SYT3: variants seen among roughly 807,000 people sequenced by gnomAD.
The protein encoded by SYT3 is synaptotagmin-3.
In SYT3, 25 loss-of-function variants were observed where a neutral mutation model predicts 50.6. That is an observed-to-expected ratio of 0.49 (90% CI 0.36 to 0.69). The LOEUF (loss-of-function observed/expected upper bound fraction) is 0.69. Ranked by LOEUF, SYT3 falls within the 30% of genes least tolerant of loss-of-function variation. The pLI, the probability that SYT3 is intolerant of heterozygous loss-of-function variation, is 0.00. For missense variants in SYT3, 589 were observed against 793.6 expected (o/e 0.74, Z 3.10); for synonymous variants, 323 against 353.9 (o/e 0.91, Z 0.98).
At chr19:50,635,330 T>C (rs1984462361) in intron 3 of SYT3, among the ~76,000 whole-genome samples, 1 of 152,166 alleles carries the variant, frequency 6.6e-6, no homozygotes, top group Admixed American at 6.5e-5. Context: ...AGGGTCATTG[T>C]GGAGAAAAAT....
At chr19:50,633,862 A>G (rs915051843) in intron 3 of SYT3, among the ~76,000 whole-genome samples, 1 of 152,224 alleles carries the variant, frequency 6.6e-6, no homozygotes. Flanking sequence ...CTCAAAGTCC[A>G]TAGCTGGTAG....
chr19:50,641,391 G>T (rs979056100), upstream of SYT3, among the ~76,000 whole-genome samples: 1 of 149,978 alleles, frequency 6.7e-6, no homozygotes, highest in Non-Finnish European at 1.5e-5. Context: ...CCGTGGTCTC[G>T]ATCTCCTGAC....
chr19:50,623,489 C>T (rs1485513307), intron 9 of SYT3, among the ~76,000 whole-genome samples: 1 of 151,744 alleles, frequency 6.6e-6, no homozygotes, highest in South Asian at 2.1e-4. Context: ...ATATTTCATG[C>T]AATATTGGCC....
At position 50,629,419 on chromosome 19, in the gene SYT3, C is replaced by A. The variant is rs200430574; in HGVS notation, c.1156G>T (p.Val386Phe). Residue 386 changes from valine to phenylalanine, a missense_variant, in exon 6 of 11, where the codon GTC becomes TTC. Val to Phe is a conservative substitution (Grantham distance 50). Coordinates refer to ENST00000600079, the MANE Select transcript of SYT3 (RefSeq NM_001160329.2). ...ELAQRKLHFS[V>F]YDFDRFSRHD... ...CGCGAGAAGCGGTCAAAGTCATAGA[C>A]GCTGAAGTGCAGTTTGCGTTGGGCC... 6.2e-7 allele frequency: 1 copy of A among 1,613,942 alleles called. No individual in the cohort carries two copies. Among genetic ancestry groups the A allele is most frequent in the Non-Finnish European group, 8.5e-7 (1 of 1,179,974 alleles).
At chr19:50,626,901 G>C (rs1003896128) in intron 6 of SYT3, among the ~76,000 whole-genome samples, 3 of 152,016 alleles carry the variant, frequency 2.0e-5, no homozygotes, top group African/African-American at 7.3e-5. Context: ...AGAGACCAGA[G>C]AGCGAGAGAG....
chr19:50,635,665 C>T (rs892842755), intron 3 of SYT3, among the ~76,000 whole-genome samples: 8 of 152,158 alleles, frequency 5.3e-5, no homozygotes, highest in Non-Finnish European at 8.8e-5. Flanking sequence ...AGCTCAGCCT[C>T]TGGAGGAGCT....
At chr19:50,652,185 A>C in the SYT3 span, among the ~76,000 whole-genome samples, 1 of 152,186 alleles carries the variant, frequency 6.6e-6, no homozygotes, top group Non-Finnish European at 1.5e-5. Context: ...TACCTAGTAC[A>C]TATTTAAATT....
chr19:50,632,441 TG>T lies in SYT3; in HGVS notation c.518del (p.Ala173GlufsTer66). 1 of 1,613,404 alleles carries T rather than the reference TG, an allele frequency of 6.2e-7. No individual in the cohort carries two copies. The highest frequency in any genetic ancestry group is 8.5e-7 in the Non-Finnish European group (1 of 1,179,886). On this transcript the variant is annotated frameshift_variant, in exon 4 of 11. Transcript: ENST00000600079. LOFTEE classifies it high-confidence loss of function. The surrounding 1 kb of genome is among the most constrained non-coding windows in gnomAD (Gnocchi z 4.7). The stretch of plus-strand genomic sequence containing the variant: ...TCGGTTTGACCCCAGCGGCCACTGC[TG>T]CTGCTGCAGCCTCTGGATACGAGTC... ...DMDSYPEAAA[A>X]AVAAGVKPSQ...
chr19:50,624,619 C>T (rs1457456973), intron 9 of SYT3, among the ~76,000 whole-genome samples: 2 of 151,848 alleles, frequency 1.3e-5, no homozygotes, highest in Non-Finnish European at 2.9e-5. Context: ...ATGGCGCCAC[C>T]TCAGCTCACC....
Position 50,625,781 on chromosome 19 carries a change from TCCA to T in SYT3, c.1402+113_1402+115del. 9.0e-6 allele frequency: 5 copies of T among 554,208 alleles called. 2 individuals are homozygous for T. Among genetic ancestry groups the T allele is most frequent in the Non-Finnish European group, 1.5e-5 (5 of 328,182 alleles). The allele number at this position is 554,208 out of a possible 1,614,324, so 34.3% of individuals were successfully genotyped here. A position where few individuals can be genotyped will look rare whatever the true frequency, so the allele number is the denominator to read the frequency against. ...GCCCCTCCTCCCTCAGACCCAGGAGTCCAGATCCCCAGCTCCTCCTCCCTCAGA... is the reference window on the plus strand; with the variant it reads ...GCCCCTCCTCCCTCAGACCCAGGAGTGATCCCCAGCTCCTCCTCCCTCAGA... On this transcript the variant is annotated intron_variant, in intron 7 of 10. Transcript: ENST00000600079. This position sits in a 1 kb window ranked among gnomAD's most constrained non-coding sequence, Gnocchi z 7.5.
Position 50,625,005 on chromosome 19 carries a change from TG to T in SYT3, c.1707+156del. ...TTGAGGCACAGAGCGCTTGGGTAAC[TG>T]GCTCTAAGCCGCACAGCTAAAGTTG... On this transcript the variant is annotated intron_variant, in intron 9 of 10. Coordinates refer to ENST00000600079, the MANE Select transcript of SYT3 (RefSeq NM_001160329.2). The surrounding 1 kb of genome is among the most constrained non-coding windows in gnomAD (Gnocchi z 7.5). 2 of 694,192 alleles carry T rather than the reference TG, an allele frequency of 2.9e-6. No homozygotes were observed. The highest frequency in any genetic ancestry group is 4.1e-6 in the Non-Finnish European group (2 of 482,772). The allele number at this position is 694,192 out of a possible 1,614,324, so 43.0% of individuals were successfully genotyped here.
chr19:50,646,280 C>T, the SYT3 span, among the ~76,000 whole-genome samples: 4 of 152,072 alleles, frequency 2.6e-5, no homozygotes, highest in African/African-American at 9.7e-5. Context: ...GAGGGGAAGA[C>T]ATTTGCCTGA....
At chr19:50,640,634 A>T (rs1182193167), upstream of SYT3, among the ~76,000 whole-genome samples, 1 of 152,192 alleles carries the variant, frequency 6.6e-6, no homozygotes, top group Non-Finnish European at 1.5e-5. Flanking sequence ...TAAGGTCTAG[A>T]TCAGGGGTGT....
intron 4 of SYT3, among the ~76,000 whole-genome samples, chr19:50,631,816 GAGTCTGGTGTTTTCC>G (rs1326321591): frequency 6.6e-6 from 1 of 152,054 alleles, no homozygotes; most frequent in Non-Finnish European, 1.5e-5. Flanking sequence ...CAGGAGGGCA[GAGTCTGGTGTTTTCC>G]TAACACCCCT....
At chr19:50,656,152 A>T in the SYT3 span, 2 of 1,536,034 alleles carry the variant, frequency 1.3e-6, no homozygotes, top group Middle Eastern at 3.3e-4. Flanking sequence ...CATGACCTCT[A>T]TCTTCCGCCT....
At chr19:50,623,433 T>A (rs1300649146) in intron 9 of SYT3, among the ~76,000 whole-genome samples, 3 of 152,004 alleles carry the variant, frequency 2.0e-5, no homozygotes, top group African/African-American at 7.3e-5. Flanking sequence ...TTTCACCCAG[T>A]ACTAAATGTA....
At chr19:50,654,964 A>G in the SYT3 span, among the ~76,000 whole-genome samples, 1 of 152,206 alleles carries the variant, frequency 6.6e-6, no homozygotes, top group African/African-American at 2.4e-5. Flanking sequence ...GTTGCTTGCC[A>G]TATCTGAACA....
Position 50,632,263 on chromosome 19 carries a change from C to T in SYT3, c.674+23G>A, listed in dbSNP as rs777408241. On this transcript the variant is annotated intron_variant, in intron 4 of 10. Coordinates refer to ENST00000600079, the MANE Select transcript of SYT3 (RefSeq NM_001160329.2). This position sits in a 1 kb window ranked among gnomAD's most constrained non-coding sequence, Gnocchi z 4.7. ...GAGGAGCAGAAGTTCAGAGTGGACC[C>T]CCAACCCAGTATCCTCTCTCACCTG... 3 of 1,535,984 alleles carry T rather than the reference C, an allele frequency of 2.0e-6. No individual in the cohort carries two copies. In the South Asian group the frequency reaches 3.8e-5, roughly 19 times the overall value.
In SYT3 at chr19:50,625,244, G is replaced by T. The variant is rs1228762739; in HGVS notation, c.1625C>A (p.Ala542Asp). ...CCAGTGCTCGCGGCCGTGCGGGTCG[G>T]CAGCGTCGGGGCCCACACGGCACAC... ...IGVCRVGPDAADPHGREHWAE... is the reference protein window; with the variant it reads ...IGVCRVGPDADDPHGREHWAE... Residue 542 changes from alanine (A) to aspartate (D), a missense_variant, in exon 9 of 11, where the codon GCC becomes GAC. This residue lies in a region of SYT3 where 273 missense variants were observed against 439.3 expected (regional missense o/e 0.62). Transcript: ENST00000600079. The surrounding 1 kb of genome is among the most constrained non-coding windows in gnomAD (Gnocchi z 7.5). The T allele has an allele frequency of 1.3e-6, 2 of 1,566,328 alleles. No individual in the cohort carries two copies. Among genetic ancestry groups the T allele is most frequent in the East Asian group, 4.7e-5 (2 of 42,764 alleles).
Sources: gnomAD v4.1 joint callset for allele counts (sites outside exome capture counted in the v4.1 genomes callset) on GRCh38, gnomAD v4.1.1 for gene constraint, gnomAD v4.1.1 regional missense constraint, Gnocchi (gnomAD v3.1) non-coding constraint, MANE v1.5 for transcripts, NCBI Gene and HGNC (gene_info 2026-07-23, HGNC 2026-07-21) for gene names.